IL3RA: variants seen among roughly 807,000 people sequenced by gnomAD.
IL3RA encodes interleukin-3 receptor subunit alpha.
A neutral mutation model predicts 52.3 loss-of-function variants in IL3RA; 73 were observed. The ratio of observed to expected loss-of-function variants is 1.40; its 90% CI spans 1.16 to 1.70. IL3RA has a LOEUF of 1.70. IL3RA is among the 40% of genes most tolerant of loss of function. The pLI, the probability that IL3RA is intolerant of heterozygous loss-of-function variation, is 0.00. For missense variants in IL3RA, 664 were observed against 504.4 expected (o/e 1.32, Z -3.03); for synonymous variants, 260 against 194.0 (o/e 1.34, Z -2.83).
At position 1,373,865 on chromosome X, in the gene IL3RA, G is replaced by T. The variant is rs1306624542; in HGVS notation, c.875-4794G>T. Among the ~76,000 whole-genome samples, 2 of 74,074 alleles carry T rather than the reference G, an allele frequency of 2.7e-5. 1 individual carries two copies. The allele number at this position is 74,074 out of a possible 152,430, so 48.6% of individuals were successfully genotyped here. ...CACAGGGAGAAGACGGCATCTCCAA[G>T]CCCAGGAGAGAGGCCTCAGGAGGAA... On this transcript the variant is annotated intron_variant, in intron 9 of 11. Coordinates refer to ENST00000331035, the MANE Select transcript of IL3RA (RefSeq NM_002183.4).
intron 1 of IL3RA, among the ~76,000 whole-genome samples, chrX:1,339,959 G>A (rs1354757209): frequency 2.0e-5 from 3 of 152,004 alleles, no homozygotes; most frequent in Admixed American, 6.6e-5. Flanking sequence ...AGGAATTTCC[G>A]TGTGTTGATT....
intron 3 of IL3RA, among the ~76,000 whole-genome samples, chrX:1,348,177 T>C (rs1293042046): frequency 6.7e-6 from 1 of 148,542 alleles, no homozygotes; most frequent in Non-Finnish European, 1.5e-5. Flanking sequence ...TGAAACCCTG[T>C]CTCTACCCAG....
At chrX:1,381,948 GTTTGTT>G (rs1174067783) in intron 11 of IL3RA, among the ~76,000 whole-genome samples, 3 of 130,874 alleles carry the variant, frequency 2.3e-5, no homozygotes, top group Non-Finnish European at 5.4e-5. Context: ...GTTTTGTTTT[GTTTGTT>G]TTTGTTTTTG....
chrX:1,344,092 T>G (rs1385854629), intron 2 of IL3RA, among the ~76,000 whole-genome samples: 2 of 151,944 alleles, frequency 1.3e-5, no homozygotes, highest in Non-Finnish European at 2.9e-5. Flanking sequence ...CCACGCCCGT[T>G]TGCTTTATGA....
intron 3 of IL3RA, among the ~76,000 whole-genome samples, chrX:1,346,288 A>G (rs1263146523): frequency 6.6e-6 from 1 of 151,430 alleles, no homozygotes; most frequent in Non-Finnish European, 1.5e-5. Flanking sequence ...AAAATATAAA[A>G]ATTAGCTGGG....
rs867841156 is a variant in IL3RA at position 1,381,761 on chromosome X, C to T, written c.1063-630C>T. ...GTTTCACCATGTTGGCCAGGATGGT[C>T]TCGATCTCCTGACCTTGTGATCCCC... On this transcript the variant is annotated intron_variant, in intron 11 of 11. Transcript: ENST00000331035. Among the ~76,000 whole-genome samples, 18 of 151,024 alleles carry T rather than the reference C, an allele frequency of 1.2e-4. No homozygotes were observed. The Middle Eastern group carries it at 0.01, about 87-fold the overall frequency.
At chrX:1,380,585 GGGGA>G (rs2089123553) in intron 10 of IL3RA, among the ~76,000 whole-genome samples, 3 of 21,982 alleles carry the variant, frequency 1.4e-4, no homozygotes, top group East Asian at 1.4e-3. Flanking sequence ...GGTGGGGGAG[GGGGA>G]AGGGGGAGGA....
intron 8 of IL3RA, among the ~76,000 whole-genome samples, chrX:1,361,283 C>A (rs768287490): frequency 5.3e-5 from 8 of 151,970 alleles, no homozygotes; most frequent in Non-Finnish European, 1.5e-5. Flanking sequence ...GTCTGTCTGT[C>A]CCCCTGTATT....
At chrX:1,348,084 C>T (rs376667946) in intron 3 of IL3RA, among the ~76,000 whole-genome samples, 19 of 147,052 alleles carry the variant, frequency 1.3e-4, no homozygotes, top group East Asian at 6.1e-4. Flanking sequence ...CGGTGGCTCA[C>T]GCCTGTAATC....
chrX:1,350,215 G>C (rs1358691917), intron 4 of IL3RA, among the ~76,000 whole-genome samples: 1 of 151,830 alleles, frequency 6.6e-6, no homozygotes, highest in Non-Finnish European at 1.5e-5. Context: ...AGCACTTTGG[G>C]AGGCCGAGGC....
At chrX:1,362,191 T>C (rs1246407572) in intron 8 of IL3RA, among the ~76,000 whole-genome samples, 3 of 152,032 alleles carry the variant, frequency 2.0e-5, no homozygotes, top group Admixed American at 2.0e-4. Context: ...TATGTCTTTC[T>C]GTCTCTCCGT....
In IL3RA at chrX:1,356,257, A is replaced by G. The variant is rs1569523486; in HGVS notation, c.653A>G (p.Asn218Ser). The change falls in exon 7 of 12, where the codon AAT becomes AGT. Residue 218 changes from asparagine (N) to serine (S), a missense_variant. Transcript: ENST00000331035. ...CCACCCAACATGACTGCAAAGTGTA[A>G]TAAGACACATTCCTTTATGCACTGG... ...LTPPNMTAKC[N>S]KTHSFMHWKM... The G allele has an allele frequency of 2.5e-6, 4 of 1,613,524 alleles. No homozygotes were observed. The highest frequency in any genetic ancestry group is 1.6e-4 in the Middle Eastern group (1 of 6,074).
At chrX:1,355,502 T>A (rs1334099713) in intron 6 of IL3RA, among the ~76,000 whole-genome samples, 6 of 141,652 alleles carry the variant, frequency 4.2e-5, no homozygotes, top group Non-Finnish European at 9.4e-5. Context: ...CTGGACTTCC[T>A]TCCAGGGGCC....
intron 3 of IL3RA, among the ~76,000 whole-genome samples, chrX:1,347,969 A>G (rs1285932316): frequency 3.4e-5 from 5 of 148,042 alleles, no homozygotes; most frequent in Admixed American, 6.8e-5. Context: ...CCCGGGAGGG[A>G]GAGGCTACAG....
chrX:1,347,501 T>C (rs1248668741), intron 3 of IL3RA, among the ~76,000 whole-genome samples: 2 of 150,466 alleles, frequency 1.3e-5, no homozygotes, highest in African/African-American at 4.9e-5. Flanking sequence ...ATTAATGAAA[T>C]GTGGCCGGGT....
chrX:1,365,103 C>A, intron 8 of IL3RA, 35 bp from the exon 9 acceptor site: 1 of 1,515,672 alleles, frequency 6.6e-7, no homozygotes. Context: ...GCCACCATAC[C>A]TGGCCCCTCT....
At chrX:1,377,667 G>GTTT (rs754580891) in intron 9 of IL3RA, among the ~76,000 whole-genome samples, 2 of 135,928 alleles carry the variant, frequency 1.5e-5, no homozygotes, top group Non-Finnish European at 3.2e-5. Flanking sequence ...ATAGATGTAT[G>GTTT]TTTTTTTTTT....
intron 2 of IL3RA, among the ~76,000 whole-genome samples, chrX:1,342,215 G>C (rs2085520669): frequency 6.6e-6 from 1 of 152,042 alleles, no homozygotes; most frequent in African/African-American, 2.4e-5. Context: ...GCCCAGGCTG[G>C]AGTGCAATAG....
chrX:1,348,204 T>C (rs2085855344), intron 3 of IL3RA, among the ~76,000 whole-genome samples: 2 of 149,708 alleles, frequency 1.3e-5, no homozygotes, highest in Admixed American at 6.7e-5. Flanking sequence ...ACTTTAAAAA[T>C]TAGCTGGGCG....
Sources: allele counts gnomAD v4.1 joint callset (sites outside exome capture counted in the v4.1 genomes callset), GRCh38; gene constraint gnomAD v4.1.1; transcripts MANE v1.5; gene names NCBI Gene and HGNC (gene_info 2026-07-23, HGNC 2026-07-21).